PAK4: variants seen among roughly 807,000 people sequenced by gnomAD.
PAK4 encodes the protein serine/threonine-protein kinase PAK 4.
In PAK4, 49 loss-of-function variants were observed where a neutral mutation model predicts 53.5. The ratio of observed to expected loss-of-function variants is 0.92; its 90% CI spans 0.73 to 1.16. PAK4 has a LOEUF of 1.16. Ranked by LOEUF, PAK4 falls within the 50% of genes most tolerant of loss-of-function variation. The pLI is 0.00. For missense variants in PAK4, 824 were observed against 850.7 expected, an observed-to-expected ratio of 0.97 and a Z score of 0.39; for synonymous variants, 376 against 375.6, an observed-to-expected ratio of 1.00 and a Z score of -0.01.
intron 1 of PAK4, among the ~76,000 whole-genome samples, chr19:39,147,970 T>TA (rs2074030803): frequency 7.0e-6 from 1 of 141,976 alleles, no homozygotes; most frequent in Non-Finnish European, 1.6e-5. Flanking sequence ...TTTTTTTTTT[T>TA]AGATGGAGTC....
intron 1 of PAK4, among the ~76,000 whole-genome samples, chr19:39,147,954 CTTTTTT>C (rs60141249): frequency 1.8e-5 from 2 of 111,808 alleles, no homozygotes; most frequent in South Asian, 6.1e-4. Flanking sequence ...TATTCTCTCT[CTTTTTT>C]TTTTTTTTTT....
At position 39,147,071 on chromosome 19, in the gene PAK4, AATTGTCATTGTCAATTGTCAAT is replaced by A. The variant is rs1568505461; in HGVS notation, c.-23+21153_-23+21174del. ...ATTGACACTGTCATTGTCAATTGAC[AATTGTCATTGTCAATTGTCAAT>A]GACAATGTCATTGACATTGACATTG... On this transcript the variant is annotated intron_variant, in intron 1 of 8. Transcript: ENST00000358301. Among the ~76,000 whole-genome samples the A allele has an allele frequency of 1.8e-3, 55 of 31,048 alleles. 1 individual carries two copies. In the Middle Eastern group the frequency reaches 0.095, roughly 54 times the overall value. 20.4% of individuals were successfully genotyped at this position (31,048 alleles called of 152,430 possible). A position where few individuals can be genotyped will look rare whatever the true frequency, so the allele number is the denominator to read the frequency against.
At chr19:39,134,421 A>C (rs964627364) in intron 1 of PAK4, among the ~76,000 whole-genome samples, 3 of 152,090 alleles carry the variant, frequency 2.0e-5, no homozygotes, top group Non-Finnish European at 4.4e-5. Flanking sequence ...TTTTCCTGAT[A>C]GTTTTTACCA....
intron 1 of PAK4, among the ~76,000 whole-genome samples, chr19:39,143,308 A>G (rs1384734175): frequency 1.8e-5 from 2 of 112,576 alleles, no homozygotes; most frequent in South Asian, 5.9e-4. Context: ...AAAAAAAAAA[A>G]GGCTGGGTGT....
At chr19:39,143,152 T>C (rs563181520) in intron 1 of PAK4, among the ~76,000 whole-genome samples, 49 of 152,200 alleles carry the variant, frequency 3.2e-4, no homozygotes, top group African/African-American at 1.2e-3. Context: ...ACTTGTATAT[T>C]GTGTTCCCAC....
chr19:39,155,013 A>G (rs2074154032), intron 1 of PAK4, among the ~76,000 whole-genome samples: 2 of 152,366 alleles, frequency 1.3e-5, no homozygotes, highest in African/African-American at 2.4e-5. Flanking sequence ...TGGAGATAAC[A>G]TCTGCCCTTG....
At chr19:39,176,518 G>T in intron 6 of PAK4, 72 bp from the exon 8 acceptor site, 1 of 1,595,632 alleles carries the variant, frequency 6.3e-7, no homozygotes, top group Non-Finnish European at 8.6e-7. Context: ...AAGGAATGAC[G>T]CAGGCAGACG....
At chr19:39,171,903 G>A (rs770488025) in intron 2 of PAK4, among the ~76,000 whole-genome samples, 12 of 152,226 alleles carry the variant, frequency 7.9e-5, no homozygotes, top group Non-Finnish European at 1.5e-4. Flanking sequence ...GCTGGTCTAG[G>A]TGCTGAGATG....
chr19:39,157,858 T>C (rs921991628), intron 1 of PAK4, among the ~76,000 whole-genome samples: 1 of 152,248 alleles, frequency 6.6e-6, no homozygotes, highest in East Asian at 1.9e-4. Context: ...GACCAGTTCA[T>C]GTGCCTGGAG....
intron 1 of PAK4, among the ~76,000 whole-genome samples, chr19:39,132,103 C>T (rs2073723634): frequency 6.6e-6 from 1 of 152,216 alleles, no homozygotes; most frequent in Non-Finnish European, 1.5e-5. Context: ...GCTCCACGTG[C>T]CAGGCACGCG....
At chr19:39,172,862 G>A (rs1218339307) in intron 2 of PAK4, 56 bp from the exon 4 acceptor site, 26 of 1,410,010 alleles carry the variant, frequency 1.8e-5, no homozygotes, top group Admixed American at 8.8e-5. Flanking sequence ...TCGGATGCAC[G>A]TCCTGTGTGC....
At chr19:39,136,154 C>A (rs964189989) in intron 1 of PAK4, among the ~76,000 whole-genome samples, 4 of 137,566 alleles carry the variant, frequency 2.9e-5, no homozygotes, top group Non-Finnish European at 6.2e-5. Flanking sequence ...ACCCTTCTTC[C>A]TCGTGGCCCC....
chr19:39,158,019 T>C lies in PAK4; in HGVS notation c.-22-11513T>C, dbSNP rs191143359. 2.0e-3 allele frequency among the ~76,000 whole-genome samples: 306 copies of C among 152,240 alleles called. 1 individual carries two copies. Among genetic ancestry groups the C allele is most frequent in the African/African-American group, 6.4e-3 (267 of 41,548 alleles). On this transcript the variant is annotated intron_variant, in intron 1 of 8. Transcript: ENST00000358301. ...TAGGGATCATGCATGTGTGTATGCA[T>C]GTGTGTGAGTGTGCATGTATGTGAG...
rs772084871 is a variant in PAK4 at position 39,173,269 on chromosome 19, G to A, written c.556G>A (p.Gly186Ser). 5.8e-5 allele frequency: 93 copies of A among 1,600,290 alleles called. No individual in the cohort carries two copies. The highest frequency in any genetic ancestry group is 2.7e-4 in the East Asian group (12 of 44,320). Residue 186 changes from glycine to serine, a missense_variant, in exon 3 of 9, where the codon GGC becomes AGC. Gly to Ser is a moderately conservative substitution (Grantham distance 56). Around this residue, in one of 2 missense-constraint regions of PAK4, gnomAD observed 478 missense variants for 435.8 expected, o/e 1.10. Transcript: ENST00000358301. The surrounding 1 kb of genome is among the most constrained non-coding windows in gnomAD (Gnocchi z 6.9). ...ACGCCCCCTCTCCGGGCCTGATGTC[G>A]GCACCCCCCAGCCTGCTGGTCTGGC...
At chr19:39,174,875 G>A in intron 4 of PAK4, 56 bp from the exon 6 acceptor site, 2 of 1,608,362 alleles carry the variant, frequency 1.2e-6, no homozygotes, top group Non-Finnish European at 1.7e-6. Context: ...CGGTGGCTGG[G>A]TCTGGCACTG....
intron 1 of PAK4, among the ~76,000 whole-genome samples, chr19:39,128,352 T>C (rs1201534360): frequency 2.6e-5 from 4 of 152,166 alleles, no homozygotes. Context: ...GCCTCCTGGC[T>C]TTCTCTGGCA....
At chr19:39,174,127 C>A in intron 4 of PAK4, 117 bp downstream of exon 5, 1 of 710,350 alleles carries the variant, frequency 1.4e-6, no homozygotes, top group South Asian at 1.8e-5. Context: ...TCCCCTCCTC[C>A]CCTCACTCTT....
chr19:39,145,790 C>G (rs974844952), intron 1 of PAK4, among the ~76,000 whole-genome samples: 1 of 152,134 alleles, frequency 6.6e-6, no homozygotes, highest in African/African-American at 2.4e-5. Context: ...CCTCCCCCTG[C>G]GCCCGCCCAC....
At chr19:39,164,814 G>A (rs2074342715) in intron 1 of PAK4, among the ~76,000 whole-genome samples, 1 of 152,172 alleles carries the variant, frequency 6.6e-6, no homozygotes, top group African/African-American at 2.4e-5. Context: ...ACTCCACCGT[G>A]GTTGAGGGCG....
Sources: gnomAD v4.1 joint callset for allele counts (sites outside exome capture counted in the v4.1 genomes callset) on GRCh38, gnomAD v4.1.1 for gene constraint, gnomAD v4.1.1 regional missense constraint, Gnocchi (gnomAD v3.1) non-coding constraint, MANE v1.5 for transcripts, NCBI Gene and HGNC (gene_info 2026-07-23, HGNC 2026-07-21) for gene names.